The following GNAI1 variants were observed in gnomAD, a reference collection of about 807,000 sequenced individuals.
The protein encoded by GNAI1 is G protein subunit alpha i1.
In GNAI1, 11 loss-of-function variants were observed where a neutral mutation model predicts 38.9. That is an observed-to-expected ratio of 0.28 (90% CI 0.18 to 0.47). The LOEUF is 0.47. GNAI1 is among the 20% of genes least tolerant of loss of function. The pLI is 0.99. For missense variants in GNAI1, 317 were observed against 436.9 expected (o/e 0.73, Z 2.45); for synonymous variants, 166 against 145.1 (o/e 1.14, Z -1.04).
intron 3 of GNAI1, among the ~76,000 whole-genome samples, chr7:80,197,212 A>G (rs1366779765): frequency 3.5e-5 from 5 of 142,596 alleles, no homozygotes; most frequent in Non-Finnish European, 7.5e-5. Flanking sequence ...CCTGGAGGAC[A>G]TTATGCTTAG....
chr7:80,186,877 G>A (rs1788394338), intron 1 of GNAI1, among the ~76,000 whole-genome samples: 1 of 152,204 alleles, frequency 6.6e-6, no homozygotes, highest in African/African-American at 2.4e-5. Context: ...AGAGAAATGT[G>A]TGAGCCAGAA....
chr7:80,199,869 T>C (rs1463849052), intron 4 of GNAI1, among the ~76,000 whole-genome samples: 1 of 152,128 alleles, frequency 6.6e-6, no homozygotes, highest in Admixed American at 6.5e-5. Flanking sequence ...CTAAGTAAAA[T>C]AGCTCTGTAT....
chr7:80,218,231 AAC>A lies in GNAI1; in HGVS notation c.*739_*740del, dbSNP rs1789007794. 6.6e-6 allele frequency: 1 copy of A among 152,134 alleles called. No individual in the cohort carries two copies. Among genetic ancestry groups the A allele is most frequent in the East Asian group, 1.9e-4 (1 of 5,196 alleles). The allele number at this position is 152,134 out of a possible 1,614,324, so 9.4% of individuals were successfully genotyped here. A position where few individuals can be genotyped will look rare whatever the true frequency, so the allele number is the denominator to read the frequency against. ...ATTCCACGTTAGATTTGGTTTGAAA[AAC>A]TAAAATTTCAGATTTCTGAGGATAT... is the stretch of plus-strand genomic sequence containing the variant. On this transcript the variant is annotated 3_prime_UTR_variant, in exon 8 of 8. Transcript: ENST00000649796.
At chr7:80,193,906 T>C (rs191018816) in intron 3 of GNAI1, among the ~76,000 whole-genome samples, 45 of 152,366 alleles carry the variant, frequency 3.0e-4, no homozygotes, top group Admixed American at 5.2e-4. Flanking sequence ...ATTTAGAATA[T>C]AGGCTGTGAG....
chr7:80,165,824 A>G (rs1788002611), intron 1 of GNAI1, among the ~76,000 whole-genome samples: 1 of 152,186 alleles, frequency 6.6e-6, no homozygotes, highest in Non-Finnish European at 1.5e-5. Context: ...TAGATAAAAA[A>G]TCAAGGTTAA....
At position 80,212,832 on chromosome 7, in the gene GNAI1, A is replaced by G. The variant is rs555864127; in HGVS notation, c.837A>G (p.Lys279=). 2.2e-5 allele frequency: 35 copies of G among 1,584,060 alleles called. No homozygotes were observed. In the South Asian group the frequency reaches 4.1e-4, roughly 18 times the overall value. ...NKKDLFEEKI[K]KSPLTICYPE... ...AGGATCTCTTTGAAGAAAAAATCAA[A>G]AAGAGCCCTCTCACTATATGCTATC... Residue 279 remains lysine (K), a synonymous_variant, in exon 7 of 8, where the codon AAA becomes AAG. Coordinates refer to ENST00000649796, the MANE Select transcript of GNAI1 (RefSeq NM_002069.6).
chr7:80,151,252 G>C (rs1010377236), intron 1 of GNAI1, among the ~76,000 whole-genome samples: 1 of 152,152 alleles, frequency 6.6e-6, no homozygotes, highest in African/African-American at 2.4e-5. Context: ...TTTTTTCAAA[G>C]TTGAGTAATA....
At chr7:80,138,170 A>G (rs1323718575) in intron 1 of GNAI1, among the ~76,000 whole-genome samples, 1 of 152,086 alleles carries the variant, frequency 6.6e-6, no homozygotes, top group Non-Finnish European at 1.5e-5. Flanking sequence ...AAATCTCTAA[A>G]GTACTTTTAA....
chr7:80,134,942 G>T lies in GNAI1; in HGVS notation c.-219G>T, dbSNP rs925266716. On this transcript the variant is annotated 5_prime_UTR_variant, in exon 1 of 8. Transcript: ENST00000649796. ...CCGGGACTTGGGGGCGCTGAGCCGG[G>T]CCGGGAAGCAGAGCCTGGTCGTGAG... 2.6e-6 allele frequency: 1 copy of T among 388,292 alleles called. No individual in the cohort carries two copies. Among genetic ancestry groups the T allele is most frequent in the Non-Finnish European group, 4.5e-6 (1 of 220,082 alleles). The allele number at this position is 388,292 out of a possible 1,614,324, so 24.1% of individuals were successfully genotyped here.
chr7:80,175,563 T>C (rs1375226094), intron 1 of GNAI1, among the ~76,000 whole-genome samples: 1 of 151,978 alleles, frequency 6.6e-6, no homozygotes, highest in Non-Finnish European at 1.5e-5. Context: ...CTTTTTTTTT[T>C]TTTTTTTAAC....
chr7:80,198,361 T>G (rs1435926336), intron 3 of GNAI1, among the ~76,000 whole-genome samples: 1 of 152,104 alleles, frequency 6.6e-6, no homozygotes, highest in African/African-American at 2.4e-5. Context: ...TTTTAAAAAA[T>G]GTAGCTATTA....
intron 1 of GNAI1, among the ~76,000 whole-genome samples, chr7:80,186,669 G>C (rs1248170209): frequency 1.3e-5 from 2 of 152,102 alleles, no homozygotes; most frequent in African/African-American, 4.8e-5. Flanking sequence ...ATGGACCATA[G>C]TGGCTATTCA....
intron 7 of GNAI1, among the ~76,000 whole-genome samples, chr7:80,213,854 A>T (rs10242993): frequency 0.32 from 46,721 of 147,038 alleles, 7,270 homozygotes; most frequent in East Asian, 0.48. Flanking sequence ...TTTTTTTTTT[A>T]AAAGTCTCAA....
intron 3 of GNAI1, among the ~76,000 whole-genome samples, chr7:80,191,722 A>G (rs1788483702): frequency 6.6e-6 from 1 of 152,170 alleles, no homozygotes; most frequent in Admixed American, 6.6e-5. Context: ...AAGTCTGAAT[A>G]TATTTCTATT....
chr7:80,137,286 CTTTTTTCTTTTTTT>C (rs200651112), intron 1 of GNAI1, among the ~76,000 whole-genome samples: 2,879 of 95,148 alleles, frequency 0.03, 407 homozygotes, highest in Middle Eastern at 0.086. Context: ...ATTTCTTTTT[CTTTTTTCTTTTTTT>C]TTTTTTCTTT....
rs1173940289 is a variant in GNAI1 at position 80,217,199 on chromosome 7, T to TGTATGAAACTGACTTCAGTTTCATAC, written c.875-79_875-78insCGTATGAAACTGACTTCAGTTTCATA. The TGTATGAAACTGACTTCAGTTTCATAC allele has an allele frequency of 9.0e-4, 517 of 575,040 alleles. 3 individuals carry two copies. The African/African-American group carries it at 0.012, about 13-fold the overall frequency. 35.6% of individuals were successfully genotyped at this position (575,040 alleles called of 1,614,324 possible). ...CAGTTAAGGAGTCCATGAATGAAAC[T>TGTATGAAACTGACTTCAGTTTCATAC]GTATGAAACTGACTTCAGTTTCATA... is the stretch of plus-strand genomic sequence containing the variant. On this transcript the variant is annotated intron_variant, in intron 7 of 7. Coordinates refer to ENST00000649796, the MANE Select transcript of GNAI1 (RefSeq NM_002069.6).
intron 1 of GNAI1, among the ~76,000 whole-genome samples, chr7:80,172,687 A>T (rs958779755): frequency 2.0e-5 from 3 of 152,130 alleles, no homozygotes; most frequent in African/African-American, 7.2e-5. Flanking sequence ...AGATTGTAAC[A>T]TCCTTTTTCC....
intron 1 of GNAI1, among the ~76,000 whole-genome samples, chr7:80,153,508 G>A (rs895748102): frequency 1.3e-5 from 2 of 152,200 alleles, no homozygotes; most frequent in Non-Finnish European, 2.9e-5. Context: ...GAGGAAAACA[G>A]TGAGGTGGTT....
chr7:80,203,595 A>G lies in GNAI1; in HGVS notation c.462-109A>G, dbSNP rs538313097. 3.6e-5 allele frequency: 24 copies of G among 661,918 alleles called. 1 individual carries two copies. The South Asian group carries it at 4.1e-4, about 11-fold the overall frequency. 41.0% of individuals were successfully genotyped at this position (661,918 alleles called of 1,614,324 possible). A position where few individuals can be genotyped will look rare whatever the true frequency, so the allele number is the denominator to read the frequency against. ...TTTACACACAAATTTAAAAACTTTT[A>G]GTGATTTCAGATTATCGCTTGTATT... On this transcript the variant is annotated intron_variant, in intron 4 of 7. Transcript: ENST00000649796.
Sources: gnomAD v4.1 joint callset for allele counts (sites outside exome capture counted in the v4.1 genomes callset) on GRCh38, gnomAD v4.1.1 for gene constraint, MANE v1.5 for transcripts, NCBI Gene and HGNC (gene_info 2026-07-23, HGNC 2026-07-21) for gene names.